The following GUCY2D variants were observed in gnomAD, a reference collection of about 807,000 sequenced individuals.
GUCY2D encodes retinal guanylyl cyclase 1.
In GUCY2D, 70 loss-of-function variants were observed where a neutral mutation model predicts 101.3. That is an observed-to-expected ratio of 0.69 (90% confidence interval 0.57 to 0.84). The LOEUF is 0.84. Among genes scored for constraint, GUCY2D ranks in the 40% least tolerant of loss-of-function variants. The probability of loss-of-function intolerance (pLI) is 0.00; values close to 1 mark genes in which losing one functional copy is unlikely to be tolerated. For synonymous variants in GUCY2D, 688 were observed against 670.7 expected (o/e 1.03, Z -0.40); for missense variants, 1,460 against 1,542.5 (o/e 0.95, Z 0.90).
rs1975667850 is a variant in GUCY2D, at chr17:8,003,280, G to T, written c.233G>T (p.Arg78Leu). 4 of 1,493,880 alleles carry T rather than the reference G, an allele frequency of 2.7e-6. No individual in the cohort carries two copies. The highest frequency in any genetic ancestry group is 3.5e-6 in the Non-Finnish European group (4 of 1,127,728). 92.5% of individuals were successfully genotyped at this position (1,493,880 alleles called of 1,614,324 possible). A position where few individuals can be genotyped will look rare whatever the true frequency, so the allele number is the denominator to read the frequency against. The part of the protein sequence containing the change: ...FSRARPDLAA[R>L]LAAARLNRDP... ...CGGGCTCGCCCGGACCTGGCCGCCC[G>T]CCTGGCCGCCGCCCGCCTGAACCGC... Residue 78 changes from arginine (R) to leucine (L), a missense_variant, in exon 2 of 20, where the codon CGC becomes CTC. By Grantham distance (102) the Arg-to-Leu change is moderately radical. Around this residue, in one of 3 missense-constraint regions of GUCY2D, gnomAD observed 1,196 missense variants for 1,229.6 expected, o/e 0.97. Coordinates refer to ENST00000254854, the MANE Select transcript of GUCY2D (RefSeq NM_000180.4).
At position 8,002,976 on chromosome 17, in the gene GUCY2D, C is replaced by A; in HGVS notation, c.-9-63C>A. On this transcript the variant is annotated intron_variant, in intron 1 of 19. Coordinates refer to ENST00000254854, the MANE Select transcript of GUCY2D (RefSeq NM_000180.4). This position sits in a 1 kb window ranked among gnomAD's most constrained non-coding sequence, Gnocchi z 4.9. ...TCGGGCTTGGAGAAACTCGGGGTTA[C>A]GGGGAGAACCCTAGGGGAGGCCGGG... 1 of 1,288,690 alleles carries A rather than the reference C, an allele frequency of 7.8e-7. No individual in the cohort carries two copies. Among genetic ancestry groups the A allele is most frequent in the South Asian group, 1.3e-5 (1 of 75,190 alleles). 79.8% of individuals were successfully genotyped at this position (1,288,690 alleles called of 1,614,324 possible).
rs1371237338 is a variant in GUCY2D, at chr17:8,007,956, T to C, written c.1592T>C (p.Leu531Pro). 6.2e-7 allele frequency: 1 copy of C among 1,613,592 alleles called. No homozygotes were observed. Among genetic ancestry groups the C allele is most frequent in the South Asian group, 1.1e-5 (1 of 91,062 alleles). The change falls in exon 7 of 20, where the codon CTG becomes CCG. Residue 531 changes from leucine to proline, a missense_variant. Transcript: ENST00000254854. ...RKVAQGSRSSLGARSMSDIRS... is the reference protein window; with the variant it reads ...RKVAQGSRSSPGARSMSDIRS... ...GTGGCCCAGGGGAGTCGATCAAGTCTGGGTGCCCGCAGCATGTCAGACATT... is the reference window on the plus strand; with the variant it reads ...GTGGCCCAGGGGAGTCGATCAAGTCCGGGTGCCCGCAGCATGTCAGACATT...
chr17:8,003,130 G>A lies in GUCY2D; in HGVS notation c.83G>A (p.Arg28His). The change falls in exon 2 of 20, where the codon CGC becomes CAC. Residue 28 changes from arginine (R) to histidine (H), a missense_variant. Coordinates refer to ENST00000254854, the MANE Select transcript of GUCY2D (RefSeq NM_000180.4). The part of the protein sequence containing the change: ...GPAWWAPSLP[R>H]LPRALPRLPL... Reference sequence around the variant, plus strand: ...GCGTGGTGGGCTCCGTCCCTGCCCCGCCTCCCCCGGGCCCTGCCCCGGCTC... The same window carrying A: ...GCGTGGTGGGCTCCGTCCCTGCCCCACCTCCCCCGGGCCCTGCCCCGGCTC... 1 of 1,512,532 alleles carries A rather than the reference G, an allele frequency of 6.6e-7. No homozygotes were observed. 93.7% of individuals were successfully genotyped at this position (1,512,532 alleles called of 1,614,324 possible). A position where few individuals can be genotyped will look rare whatever the true frequency, so the allele number is the denominator to read the frequency against.
rs1330197654 is a variant in GUCY2D, at chr17:8,002,891, C to G, written c.-9-148C>G. On this transcript the variant is annotated intron_variant, in intron 1 of 19. Coordinates refer to ENST00000254854, the MANE Select transcript of GUCY2D (RefSeq NM_000180.4). This position sits in a 1 kb window ranked among gnomAD's most constrained non-coding sequence, Gnocchi z 4.9. ...GGGCTTCGGGGCGGTGTCCTTGGCC[C>G]CAGTTAGTCTTCCCAGCCTCCGGAG... 17 of 613,790 alleles carry G rather than the reference C, an allele frequency of 2.8e-5. No individual in the cohort carries two copies. The highest frequency in any genetic ancestry group is 3.5e-5 in the Admixed American group (1 of 28,806). The allele number at this position is 613,790 out of a possible 1,614,324, so 38.0% of individuals were successfully genotyped here. A position where few individuals can be genotyped will look rare whatever the true frequency, so the allele number is the denominator to read the frequency against.
chr17:8,008,551 A>G (rs1488407499), intron 7 of GUCY2D, among the ~76,000 whole-genome samples: 2 of 152,212 alleles, frequency 1.3e-5, no homozygotes, highest in Non-Finnish European at 2.9e-5. Flanking sequence ...ACAGATTGAG[A>G]GAGAGCTGAG....
In GUCY2D at chr17:8,016,485, G is replaced by A; in HGVS notation, c.3267G>A (p.Glu1089=). 3 of 1,581,570 alleles carry A rather than the reference G, an allele frequency of 1.9e-6. No individual in the cohort carries two copies. Among genetic ancestry groups the A allele is most frequent in the Non-Finnish European group, 2.6e-6 (3 of 1,164,396 alleles). ...HGISLQEIPP[E]RRRKLEKARP... is the part of the protein sequence containing the mutation. Reference sequence around the variant, plus strand: ...TCAGCCTGCAGGAGATCCCACCCGAGCGGCGACGGAAGCTGGAGAAGGCGC... The same window carrying A: ...TCAGCCTGCAGGAGATCCCACCCGAACGGCGACGGAAGCTGGAGAAGGCGC... The change falls in exon 19 of 20, where the codon GAG becomes GAA. Residue 1089 remains glutamate (E), a synonymous_variant. Transcript: ENST00000254854.
chr17:8,010,536 G>A (rs1339361198), intron 8 of GUCY2D, among the ~76,000 whole-genome samples: 2 of 152,134 alleles, frequency 1.3e-5, no homozygotes, highest in Admixed American at 6.6e-5. Flanking sequence ...TCTGGGCGCG[G>A]TGGCTCACAC....
In GUCY2D at chr17:8,014,146, C is replaced by T; in HGVS notation, c.2412+118C>T. 1.1e-6 allele frequency: 1 copy of T among 945,416 alleles called. No homozygotes were observed. Among genetic ancestry groups the T allele is most frequent in the Admixed American group, 1.8e-5 (1 of 56,644 alleles). The allele number at this position is 945,416 out of a possible 1,614,324, so 58.6% of individuals were successfully genotyped here. On this transcript the variant is annotated intron_variant, in intron 12 of 19. Transcript: ENST00000254854. The surrounding 1 kb of genome is among the most constrained non-coding windows in gnomAD (Gnocchi z 4.0). ...CAGGACCTCTGGCCTTCCAGGCTAC[C>T]TCCTAAGGAGTAGCCTGAAGACTCG...
chr17:8,013,583 A>G lies in GUCY2D; in HGVS notation c.2264-297A>G. The G allele has an allele frequency of 1.7e-6, 1 of 576,494 alleles. No homozygotes were observed. The allele number at this position is 576,494 out of a possible 1,614,324, so 35.7% of individuals were successfully genotyped here. On this transcript the variant is annotated intron_variant, in intron 11 of 19. Coordinates refer to ENST00000254854, the MANE Select transcript of GUCY2D (RefSeq NM_000180.4). This position sits in a 1 kb window ranked among gnomAD's most constrained non-coding sequence, Gnocchi z 5.0. ...GGGAGTGGGTGCATCCCTTCTGCAC[A>G]GGACTCTGAGCAAACTACTTGATCA...
Position 8,006,563 on chromosome 17 carries a change from G to T in GUCY2D, c.1227G>T (p.Ala409=), listed in dbSNP as rs148448937. ...EPPFVLLDTD[A]AGDRLFATYM... ...CATTCGTGCTGCTAGACACGGACGC[G>T]GCGGGAGACCGGCTTTTTGCCACAT... The change falls in exon 4 of 20, where the codon GCG becomes GCT. Residue 409 remains alanine, a synonymous_variant. Coordinates refer to ENST00000254854, the MANE Select transcript of GUCY2D (RefSeq NM_000180.4). 4 of 1,613,398 alleles carry T rather than the reference G, an allele frequency of 2.5e-6. No individual in the cohort carries two copies. In the South Asian group the frequency reaches 4.4e-5, roughly 18 times the overall value.
At chr17:8,008,268 C>G (rs1478492783) in intron 7 of GUCY2D, among the ~76,000 whole-genome samples, 1 of 152,162 alleles carries the variant, frequency 6.6e-6, no homozygotes, top group East Asian at 1.9e-4. Flanking sequence ...TGGGTAAGGG[C>G]TCCTCAAAAG....
At chr17:8,018,788 C>T (rs761859611) in intron 19 of GUCY2D, among the ~76,000 whole-genome samples, 2 of 151,646 alleles carry the variant, frequency 1.3e-5, no homozygotes, top group Non-Finnish European at 2.9e-5. Context: ...CTTAGGACTC[C>T]TTAGCAGGTA....
chr17:8,007,549 G>A lies in GUCY2D; in HGVS notation c.1566+21G>A, dbSNP rs191576243. 1.5e-3 allele frequency: 2,228 copies of A among 1,438,000 alleles called. 2 individuals are homozygous for A. Among genetic ancestry groups the A allele is most frequent in the Non-Finnish European group, 2.1e-3 (2,098 of 1,019,652 alleles). The allele number at this position is 1,438,000 out of a possible 1,614,324, so 89.1% of individuals were successfully genotyped here. ...GAAAGGTGGGGGAGGCAGAGAGGCA[G>A]GAGCCAGTTGTCTTCTTTCCGTAAA... On this transcript the variant is annotated intron_variant, in intron 6 of 19. Coordinates refer to ENST00000254854, the MANE Select transcript of GUCY2D (RefSeq NM_000180.4).
chr17:8,007,334 C>T (rs1975764805), intron 5 of GUCY2D, 92 bp from the exon 6 acceptor site: 1 of 996,904 alleles, frequency 1.0e-6, no homozygotes, highest in Admixed American at 1.7e-5. Flanking sequence ...GACCCCTCCC[C>T]TGAGCCAACG....
chr17:8,013,814 G>A lies in GUCY2D; in HGVS notation c.2264-66G>A. 2 of 1,433,032 alleles carry A rather than the reference G, an allele frequency of 1.4e-6. No individual in the cohort carries two copies. The highest frequency in any genetic ancestry group is 1.1e-5 in the South Asian group (1 of 87,092). The allele number at this position is 1,433,032 out of a possible 1,614,324, so 88.8% of individuals were successfully genotyped here. On this transcript the variant is annotated intron_variant, in intron 11 of 19. Coordinates refer to ENST00000254854, the MANE Select transcript of GUCY2D (RefSeq NM_000180.4). This position sits in a 1 kb window ranked among gnomAD's most constrained non-coding sequence, Gnocchi z 5.0. ...CCACATCTTGGTCTTCAACAGTCAG[G>A]CCAGGGTCAGAGGCAGCCTTTGTGT...
intron 8 of GUCY2D, among the ~76,000 whole-genome samples, chr17:8,010,487 C>T (rs1398586765): frequency 1.3e-5 from 2 of 152,008 alleles, no homozygotes; most frequent in East Asian, 1.9e-4. Flanking sequence ...TTAATGAACT[C>T]GATCACCATT....
chr17:8,007,998 A>C lies in GUCY2D; in HGVS notation c.1634A>C (p.Gln545Pro). 6.2e-7 allele frequency: 1 copy of C among 1,613,556 alleles called. No individual in the cohort carries two copies. The highest frequency in any genetic ancestry group is 8.5e-7 in the Non-Finnish European group (1 of 1,179,558). ...SMSDIRSGPS[Q>P]HLDSPNIGVY... ...TCAGACATTCGCAGCGGCCCCAGCCAACACTTGGACAGCCCCAACATTGGT... is the reference window on the plus strand; with the variant it reads ...TCAGACATTCGCAGCGGCCCCAGCCCACACTTGGACAGCCCCAACATTGGT... The change falls in exon 7 of 20, where the codon CAA becomes CCA. Residue 545 changes from glutamine (Q) to proline (P), a missense_variant. This residue lies in a region of GUCY2D where 1,196 missense variants were observed against 1,229.6 expected (regional missense o/e 0.97). Transcript: ENST00000254854.
chr17:8,007,885 A>C, intron 6 of GUCY2D, 46 bp from the exon 7 acceptor site: 1 of 1,222,050 alleles, frequency 8.2e-7, no homozygotes, highest in Non-Finnish European at 1.2e-6. Flanking sequence ...CAGGACTCTG[A>C]CACCAGAATA....
Position 8,006,537 on chromosome 17 carries a change from C to G in GUCY2D, c.1201C>G (p.Pro401Ala). The G allele has an allele frequency of 3.7e-6, 6 of 1,612,268 alleles. No individual in the cohort carries two copies. The highest frequency in any genetic ancestry group is 5.1e-6 in the Non-Finnish European group (6 of 1,180,026). Residue 401 changes from proline to alanine, a missense_variant, in exon 4 of 20, where the codon CCA (proline) becomes GCA (alanine). This residue lies in a region of GUCY2D where 1,196 missense variants were observed against 1,229.6 expected (regional missense o/e 0.97). Coordinates refer to ENST00000254854, the MANE Select transcript of GUCY2D (RefSeq NM_000180.4). The stretch of plus-strand genomic sequence containing the variant: ...GGACCTAGGAGGAGACGAGGAGCCC[C>G]CATTCGTGCTGCTAGACACGGACGC... ...CGDLGGDEEP[P>A]FVLLDTDAAG...
Sources: allele counts gnomAD v4.1 joint callset (sites outside exome capture counted in the v4.1 genomes callset), GRCh38; gene constraint gnomAD v4.1.1; regional missense constraint gnomAD v4.1.1; non-coding constraint Gnocchi (gnomAD v3.1); transcripts MANE v1.5; gene names NCBI Gene and HGNC (gene_info 2026-07-23, HGNC 2026-07-21).